LRP1B: variants seen among roughly 807,000 people sequenced by gnomAD.
LRP1B encodes LDL receptor related protein 1B.
LRP1B carries 217 observed loss-of-function variants against 556.6 expected under a neutral mutation model. The observed-to-expected ratio is 0.39, with a 90% confidence interval of 0.35 to 0.44. LRP1B has a LOEUF of 0.44. Ranked by LOEUF, LRP1B falls within the 20% of genes least tolerant of loss-of-function variation. The probability of loss-of-function intolerance (pLI) is 1.00; values close to 1 mark genes in which losing one functional copy is unlikely to be tolerated. For missense variants in LRP1B, 5,053 were observed against 5,620.8 expected, an observed-to-expected ratio of 0.90 and a Z score of 3.23; for synonymous variants, 2,047 against 1,865.8, an observed-to-expected ratio of 1.10 and a Z score of -2.50.
chr2:140,236,274 A>G (rs1018290662), intron 89 of LRP1B, among the ~76,000 whole-genome samples: 4 of 150,866 alleles, frequency 2.7e-5, no homozygotes, highest in African/African-American at 9.7e-5. Flanking sequence ...AGGAACACCA[A>G]TGACTGTGAT....
chr2:141,130,527 T>C (rs900283845), intron 7 of LRP1B, among the ~76,000 whole-genome samples: 18 of 152,114 alleles, frequency 1.2e-4, no homozygotes, highest in Non-Finnish European at 2.4e-4. Context: ...TTTGGAAATA[T>C]ATATTAAAAT....
At chr2:140,338,179 A>C (rs1199411528) in intron 77 of LRP1B, among the ~76,000 whole-genome samples, 4 of 151,810 alleles carry the variant, frequency 2.6e-5, no homozygotes, top group Non-Finnish European at 5.9e-5. Context: ...CCCTAATGTC[A>C]TTCAAGTAAC....
At chr2:140,460,318 C>A (rs1040049481) in intron 60 of LRP1B, among the ~76,000 whole-genome samples, 1 of 152,004 alleles carries the variant, frequency 6.6e-6, no homozygotes, top group Admixed American at 6.6e-5. Context: ...TGTAAATTAC[C>A]AAATCTGTAG....
chr2:141,547,912 G>A (rs72853564), intron 2 of LRP1B, among the ~76,000 whole-genome samples: 26,573 of 151,252 alleles, frequency 0.18, 3,123 homozygotes, highest in Non-Finnish European at 0.26. Flanking sequence ...TTTCAAAATC[G>A]GTATGTATGA....
intron 84 of LRP1B, among the ~76,000 whole-genome samples, chr2:140,285,980 C>G: frequency 6.6e-6 from 1 of 151,792 alleles, no homozygotes; most frequent in East Asian, 1.9e-4. Context: ...CTTAATTATA[C>G]TTCTTTACTT....
At chr2:140,852,796 T>C (rs1478010205) in intron 27 of LRP1B, among the ~76,000 whole-genome samples, 1 of 152,150 alleles carries the variant, frequency 6.6e-6, no homozygotes, top group African/African-American at 2.4e-5. Context: ...CAGCACTGAA[T>C]GTCTTGGGAC....
intron 2 of LRP1B, among the ~76,000 whole-genome samples, chr2:141,698,760 T>A (rs894555075): frequency 2.6e-5 from 4 of 151,764 alleles, no homozygotes; most frequent in Admixed American, 2.6e-4. Flanking sequence ...GCTTAGGGCA[T>A]TAACTTAGAG....
intron 7 of LRP1B, among the ~76,000 whole-genome samples, chr2:141,064,416 A>G (rs1699425015): frequency 6.6e-6 from 1 of 151,918 alleles, no homozygotes; most frequent in Non-Finnish European, 1.5e-5. Flanking sequence ...TTGACCTTCT[A>G]TTACAAGACT....
chr2:141,998,046 A>G (rs1702548870), intron 1 of LRP1B, among the ~76,000 whole-genome samples: 1 of 152,146 alleles, frequency 6.6e-6, no homozygotes, highest in African/African-American at 2.4e-5. Context: ...TGCAGTTTAA[A>G]CATATAGAGA....
intron 3 of LRP1B, among the ~76,000 whole-genome samples, chr2:141,452,700 T>A (rs1199347024): frequency 1.3e-5 from 2 of 152,202 alleles, no homozygotes; most frequent in African/African-American, 4.8e-5. Flanking sequence ...TAGAATCAAC[T>A]AGTTTGCTTG....
At position 141,417,768 on chromosome 2, in the gene LRP1B, T is replaced by G. The variant is rs942315273; in HGVS notation, c.343+62628A>C. Among the ~76,000 whole-genome samples, 28 of 151,666 alleles carry G rather than the reference T, an allele frequency of 1.8e-4. 1 individual carries two copies. Among genetic ancestry groups the G allele is most frequent in the Admixed American group, 1.4e-3 (22 of 15,246 alleles). ...TCATATGGTAGTTCTATTTTTTTTT[T>G]TTTTTTTTTACAAATCTCCATACTG... On this transcript the variant is annotated intron_variant, in intron 3 of 90. Transcript: ENST00000389484.
intron 1 of LRP1B, among the ~76,000 whole-genome samples, chr2:142,054,522 G>T (rs1004632747): frequency 4.6e-5 from 7 of 151,938 alleles, no homozygotes; most frequent in Non-Finnish European, 1.0e-4. Flanking sequence ...ACTCCACAAG[G>T]TCTATCTCAT....
chr2:141,042,304 A>C (rs960657686), intron 11 of LRP1B, among the ~76,000 whole-genome samples: 2 of 152,182 alleles, frequency 1.3e-5, no homozygotes, highest in South Asian at 2.1e-4. Context: ...AGAAAAAAAA[A>C]TGGGCGTTCC....
intron 1 of LRP1B, among the ~76,000 whole-genome samples, chr2:142,027,833 T>C (rs55987669): frequency 0.027 from 4,066 of 152,006 alleles, 75 homozygotes; most frequent in Non-Finnish European, 0.04. Context: ...GGCATTTCTT[T>C]CATTCAAAAT....
intron 3 of LRP1B, among the ~76,000 whole-genome samples, chr2:141,342,447 T>TA (rs1485930000): frequency 3.9e-5 from 6 of 151,932 alleles, no homozygotes; most frequent in Admixed American, 1.3e-4. Context: ...ATTAATATCT[T>TA]ACCAGTATGT....
Position 140,748,136 on chromosome 2 carries a change from T to TATATAA in LRP1B, c.5758+21076_5758+21077insTTATAT, listed in dbSNP as rs1360430336. Among the ~76,000 whole-genome samples the TATATAA allele has an allele frequency of 9.5e-3, 337 of 35,594 alleles. 1 individual carries two copies. Among genetic ancestry groups the TATATAA allele is most frequent in the East Asian group, 0.016 (10 of 636 alleles). The allele number at this position is 35,594 out of a possible 152,430, so 23.4% of individuals were successfully genotyped here. A position where few individuals can be genotyped will look rare whatever the true frequency, so the allele number is the denominator to read the frequency against. On this transcript the variant is annotated intron_variant, in intron 35 of 90. Coordinates refer to ENST00000389484, the MANE Select transcript of LRP1B (RefSeq NM_018557.3). ...ATATATATATATATATATATATATA[T>TATATAA]AATTCATATATATGTGTGTATATAT...
rs552974367 is a variant in LRP1B at position 141,735,406 on chromosome 2, C to T, written c.205+74873G>A. Among the ~76,000 whole-genome samples, 8 of 149,546 alleles carry T rather than the reference C, an allele frequency of 5.3e-5. No homozygotes were observed. In the East Asian group the frequency reaches 1.2e-3, roughly 22 times the overall value. ...CAAGGAAAGCCCGGGTAAGAGATTACGAAGAGTTTTGTCAACAGGATTCAC... is the reference window on the plus strand; with the variant it reads ...CAAGGAAAGCCCGGGTAAGAGATTATGAAGAGTTTTGTCAACAGGATTCAC... On this transcript the variant is annotated intron_variant, in intron 2 of 90. Transcript: ENST00000389484.
chr2:141,160,061 C>T (rs1222917493), intron 7 of LRP1B, among the ~76,000 whole-genome samples: 2 of 152,042 alleles, frequency 1.3e-5, no homozygotes, highest in East Asian at 3.9e-4. Flanking sequence ...CATCAGTATA[C>T]CTGTGTAACA....
chr2:141,205,497 G>T (rs1028796632), intron 6 of LRP1B, among the ~76,000 whole-genome samples: 4 of 152,076 alleles, frequency 2.6e-5, no homozygotes, highest in Non-Finnish European at 5.9e-5. Context: ...AAATAATTTT[G>T]CCTCTATTAT....
Sources: allele counts gnomAD v4.1 joint callset (sites outside exome capture counted in the v4.1 genomes callset), GRCh38; gene constraint gnomAD v4.1.1; transcripts MANE v1.5; gene names NCBI Gene and HGNC (gene_info 2026-07-23, HGNC 2026-07-21).